CRYBG1: variants seen among roughly 807,000 people sequenced by gnomAD.
The protein encoded by CRYBG1 is beta/gamma crystallin domain-containing protein 1.
Under a neutral mutation model 189.2 loss-of-function variants are expected in CRYBG1, and 139 were observed. The ratio of observed to expected loss-of-function variants is 0.73; its 90% confidence interval spans 0.64 to 0.85. The LOEUF (loss-of-function observed/expected upper bound fraction) is 0.85, where lower values mean the gene tolerates loss of function less well. Ranked by LOEUF, CRYBG1 falls within the 40% of genes least tolerant of loss-of-function variation. The pLI, the probability that CRYBG1 is intolerant of heterozygous loss-of-function variation, is 0.00. For synonymous variants in CRYBG1, 1,023 were observed against 1,017.1 expected (o/e 1.01, Z -0.11); for missense variants, 2,611 against 2,675.8 (o/e 0.98, Z 0.53).
chr6:106,400,873 G>A (rs1180195269), intron 1 of CRYBG1, among the ~76,000 whole-genome samples: 2 of 152,176 alleles, frequency 1.3e-5, no homozygotes, highest in Non-Finnish European at 2.9e-5. Context: ...CAAAGTAGGT[G>A]CAAGATCGTA....
chr6:106,470,035 T>G (rs1772197726), intron 2 of CRYBG1, among the ~76,000 whole-genome samples: 1 of 152,158 alleles, frequency 6.6e-6, no homozygotes, highest in South Asian at 2.1e-4. Flanking sequence ...AAGTCCTGAC[T>G]TTTCCTCGGG....
intron 2 of CRYBG1, among the ~76,000 whole-genome samples, chr6:106,505,249 C>T (rs2114514877): frequency 6.6e-6 from 1 of 152,260 alleles, no homozygotes; most frequent in East Asian, 1.9e-4. Flanking sequence ...CACGTGCCAC[C>T]ACACCCGGCT....
intron 2 of CRYBG1, among the ~76,000 whole-genome samples, chr6:106,453,685 GC>G (rs1309525308): frequency 6.6e-6 from 1 of 152,206 alleles, no homozygotes; most frequent in Admixed American, 6.5e-5. Context: ...AAAATTCGTG[GC>G]AGTGTTCAGA....
intron 2 of CRYBG1, chr6:106,457,262 G>A (rs887817528): frequency 4.6e-5 from 7 of 152,130 alleles, no homozygotes; most frequent in African/African-American, 1.7e-4. Context: ...TACTTGGAGA[G>A]GTGACCGAAC....
chr6:106,543,740 A>G, intron 11 of CRYBG1, 143 bp downstream of exon 11: 2 of 967,870 alleles, frequency 2.1e-6, no homozygotes, highest in Non-Finnish European at 1.5e-6. Flanking sequence ...TCCTCAGCCT[A>G]TAGTGACTGG....
intron 2 of CRYBG1, among the ~76,000 whole-genome samples, chr6:106,497,337 C>T (rs554312352): frequency 1.4e-4 from 22 of 152,320 alleles, no homozygotes; most frequent in South Asian, 1.2e-3. Flanking sequence ...TTCACCCCAA[C>T]GAGAGGAAGT....
chr6:106,540,311 CA>C (rs1208350784), intron 9 of CRYBG1, among the ~76,000 whole-genome samples: 11 of 152,192 alleles, frequency 7.2e-5, no homozygotes, highest in African/African-American at 2.7e-4. Flanking sequence ...GCTCCCATTA[CA>C]AACATGTTTT....
chr6:106,507,638 C>G, intron 2 of CRYBG1, among the ~76,000 whole-genome samples: 1 of 152,190 alleles, frequency 6.6e-6, no homozygotes, highest in East Asian at 1.9e-4. Context: ...AGGCTCAAAC[C>G]TAAGAAGGTC....
intron 1 of CRYBG1, among the ~76,000 whole-genome samples, chr6:106,433,783 A>G (rs1286599727): frequency 7.0e-6 from 1 of 142,302 alleles, no homozygotes; most frequent in African/African-American, 2.6e-5. Context: ...GTATATATAT[A>G]TAAACATACA....
chr6:106,422,340 A>T (rs5022182), intron 1 of CRYBG1, among the ~76,000 whole-genome samples: 72 of 68,330 alleles, frequency 1.1e-3, no homozygotes, highest in Non-Finnish European at 1.9e-3. Context: ...TTATTTATTT[A>T]TTTATTTTTG....
chr6:106,392,564 T>G (rs1439861281), intron 1 of CRYBG1, among the ~76,000 whole-genome samples: 2 of 152,104 alleles, frequency 1.3e-5, no homozygotes, highest in Non-Finnish European at 2.9e-5. Flanking sequence ...TGGAGGGAGA[T>G]CTGATAGGAC....
intron 1 of CRYBG1, among the ~76,000 whole-genome samples, chr6:106,362,974 G>C (rs368282655): frequency 6.6e-6 from 1 of 151,948 alleles, no homozygotes; most frequent in Non-Finnish European, 1.5e-5. Context: ...GGCCGGGCGC[G>C]GTGGCTCACG....
intron 3 of CRYBG1, among the ~76,000 whole-genome samples, chr6:106,513,777 C>G (rs1248602437): frequency 2.0e-5 from 3 of 152,162 alleles, no homozygotes; most frequent in Non-Finnish European, 4.4e-5. Context: ...TTGGCCTAAG[C>G]CTTTTTCAAA....
intron 1 of CRYBG1, among the ~76,000 whole-genome samples, chr6:106,378,437 G>A (rs1770218490): frequency 1.3e-5 from 2 of 152,186 alleles, no homozygotes; most frequent in Admixed American, 1.3e-4. Context: ...CGGCACTGTT[G>A]CCCACTCACC....
chr6:106,389,329 C>T (rs1341882484), intron 1 of CRYBG1, among the ~76,000 whole-genome samples: 1 of 152,022 alleles, frequency 6.6e-6, no homozygotes, highest in Non-Finnish European at 1.5e-5. Flanking sequence ...TTTGTAAGAA[C>T]TCAGTGGTAA....
At chr6:106,459,765 T>G (rs1771965579) in intron 2 of CRYBG1, among the ~76,000 whole-genome samples, 1 of 152,168 alleles carries the variant, frequency 6.6e-6, no homozygotes, top group Non-Finnish European at 1.5e-5. Context: ...TGGTCAGTTA[T>G]TTTTGCGGGA....
chr6:106,497,055 G>C (rs562860313), intron 2 of CRYBG1, among the ~76,000 whole-genome samples: 28 of 152,212 alleles, frequency 1.8e-4, no homozygotes, highest in Non-Finnish European at 3.5e-4. Context: ...GTAGTAAGAG[G>C]GTGATGAAAT....
intron 1 of CRYBG1, among the ~76,000 whole-genome samples, chr6:106,415,737 A>C (rs1044446645): frequency 2.0e-5 from 3 of 152,034 alleles, no homozygotes; most frequent in East Asian, 1.9e-4. Flanking sequence ...AAAAAAAAAA[A>C]AGTTTTTCTG....
At chr6:106,401,166 A>G (rs1766425835) in intron 1 of CRYBG1, among the ~76,000 whole-genome samples, 1 of 152,210 alleles carries the variant, frequency 6.6e-6, no homozygotes, top group Non-Finnish European at 1.5e-5. Flanking sequence ...AAAATTATGA[A>G]GATCCTCTTA....
Sources: gnomAD v4.1 joint callset for allele counts (sites outside exome capture counted in the v4.1 genomes callset) on GRCh38, gnomAD v4.1.1 for gene constraint, MANE v1.5 for transcripts, NCBI Gene and HGNC (gene_info 2026-07-23, HGNC 2026-07-21) for gene names.